The following COPS3 variants were observed in gnomAD, a reference collection of about 807,000 sequenced individuals.
COPS3 encodes the protein COP9 signalosome complex subunit 3.
COPS3 carries 10 observed loss-of-function variants against 58.2 expected under a neutral mutation model. The observed-to-expected ratio is 0.17, with a 90% CI of 0.11 to 0.29. The LOEUF is 0.29. COPS3 is among the 10% of genes least tolerant of loss of function. The pLI is 1.00. For missense variants in COPS3, 333 were observed against 510.1 expected, an observed-to-expected ratio of 0.65 and a Z score of 3.34; for synonymous variants, 187 against 181.7, an observed-to-expected ratio of 1.03 and a Z score of -0.24.
chr17:17,248,384 G>C (rs1567843677), intron 10 of COPS3, among the ~76,000 whole-genome samples: 1 of 152,172 alleles, frequency 6.6e-6, no homozygotes, highest in Non-Finnish European at 1.5e-5. Flanking sequence ...CGCAATCTCA[G>C]CTTACTGTAA....
chr17:17,265,030 G>C, intron 5 of COPS3, 49 bp from the exon 6 acceptor site: 1 of 1,506,724 alleles, frequency 6.6e-7, no homozygotes, highest in Non-Finnish European at 9.0e-7. Flanking sequence ...ACTTAGGCAG[G>C]TATTAGCAGA....
intron 2 of COPS3, among the ~76,000 whole-genome samples, chr17:17,273,501 T>C (rs2048395046): frequency 6.6e-6 from 1 of 152,038 alleles, no homozygotes; most frequent in Non-Finnish European, 1.5e-5. Context: ...TCCTAGCACT[T>C]TGGGAGGCTC....
At chr17:17,247,258 C>T (rs2047744195) in intron 11 of COPS3, 107 bp from the exon 12 acceptor site, 3 of 1,153,972 alleles carry the variant, frequency 2.6e-6, no homozygotes, top group Non-Finnish European at 3.9e-6. Flanking sequence ...ACAAAGCCCC[C>T]TGTGAACAAG....
In COPS3 at chr17:17,272,179, T is replaced by C. The variant is rs141261807; in HGVS notation, c.186-1171A>G. On this transcript the variant is annotated intron_variant, in intron 2 of 11. Transcript: ENST00000268717. ...GGCTCACGCCTATAATCCCAGCACT[T>C]TGGGAGGCCAAGGCGGGTGGATCAC... 2.5e-3 allele frequency among the ~76,000 whole-genome samples: 379 copies of C among 152,188 alleles called. 1 individual carries two copies. Among genetic ancestry groups the C allele is most frequent in the South Asian group, 5.0e-3 (24 of 4,824 alleles).
At chr17:17,261,720 T>G in intron 7 of COPS3, 1 of 464,414 alleles carries the variant, frequency 2.2e-6, no homozygotes. Context: ...AATCAACTGT[T>G]ATAGGAGCTT....
intron 2 of COPS3, among the ~76,000 whole-genome samples, chr17:17,273,843 C>T (rs1017614808): frequency 3.3e-5 from 5 of 152,110 alleles, no homozygotes; most frequent in African/African-American, 9.7e-5. Context: ...CAGAACAAGA[C>T]CTTGTCCCCC....
intron 8 of COPS3, among the ~76,000 whole-genome samples, chr17:17,255,206 A>G (rs537501259): frequency 6.6e-6 from 1 of 152,262 alleles, no homozygotes; most frequent in Non-Finnish European, 1.5e-5. Flanking sequence ...AGGCTGAGAC[A>G]GGAGAATCGC....
At chr17:17,268,823 A>AAC (rs1567858459) in intron 4 of COPS3, among the ~76,000 whole-genome samples, 6 of 147,758 alleles carry the variant, frequency 4.1e-5, no homozygotes, top group African/African-American at 1.5e-4. Flanking sequence ...CATCTCAAAA[A>AAC]AACAACAACA....
At chr17:17,254,686 C>T (rs978007025) in intron 9 of COPS3, among the ~76,000 whole-genome samples, 173 bp downstream of exon 9, 1 of 151,868 alleles carries the variant, frequency 6.6e-6, no homozygotes, top group Non-Finnish European at 1.5e-5. Flanking sequence ...TGGCGCATGC[C>T]TGTAGTCCCA....
intron 8 of COPS3, among the ~76,000 whole-genome samples, chr17:17,256,040 G>A (rs1206592783): frequency 1.3e-5 from 2 of 150,254 alleles, no homozygotes; most frequent in East Asian, 1.9e-4. Flanking sequence ...TTAGCCGGGC[G>A]TGGTGGTGGG....
chr17:17,266,817 A>AT (rs1163802147), intron 5 of COPS3, among the ~76,000 whole-genome samples: 1 of 151,666 alleles, frequency 6.6e-6, no homozygotes, highest in African/African-American at 2.4e-5. Flanking sequence ...AAAAAAAAAA[A>AT]GATAAATGAA....
chr17:17,255,001 T>A, intron 8 of COPS3, 56 bp from the exon 9 acceptor site: 4 of 1,276,020 alleles, frequency 3.1e-6, no homozygotes, highest in Non-Finnish European at 4.6e-6. Context: ...AAGGACATTT[T>A]ATTAAATGTG....
chr17:17,261,697 GGA>G, intron 7 of COPS3: 1 of 434,374 alleles, frequency 2.3e-6, no homozygotes. Flanking sequence ...CTGTCTCTAG[GGA>G]AAAAAAAAAA....
chr17:17,254,830 A>AAG (rs2047930173), intron 9 of COPS3, 29 bp downstream of exon 9: 2 of 1,359,598 alleles, frequency 1.5e-6, no homozygotes, highest in African/African-American at 1.5e-5. Flanking sequence ...AAAAAAAAAA[A>AAG]AAGAAAAAGA....
intron 2 of COPS3, among the ~76,000 whole-genome samples, chr17:17,271,847 T>TAG (rs1177981470): frequency 1.4e-5 from 2 of 142,072 alleles, no homozygotes; most frequent in African/African-American, 2.6e-5. Flanking sequence ...TATCTATATA[T>TAG]ATATATATAT....
intron 4 of COPS3, 150 bp from the exon 5 acceptor site, chr17:17,268,127 G>A (rs1489279111): frequency 5.9e-6 from 7 of 1,185,040 alleles, no homozygotes; most frequent in Non-Finnish European, 7.6e-6. Context: ...GGAAATTTCT[G>A]TCCCATTTAA....
At position 17,252,763 on chromosome 17, in the gene COPS3, T is replaced by A. The variant is rs1326556147; in HGVS notation, c.1023+2096A>T. On this transcript the variant is annotated intron_variant, in intron 9 of 11. Coordinates refer to ENST00000268717, the MANE Select transcript of COPS3 (RefSeq NM_003653.4). ...CACTCGCCACTGAAGAGGGAATTTC[T>A]TGGGGAAAGCGTCTATAGCTTATTC... 6.6e-5 allele frequency among the ~76,000 whole-genome samples: 10 copies of A among 152,320 alleles called. No homozygotes were observed. The East Asian group carries it at 1.7e-3, about 27-fold the overall frequency.
intron 1 of COPS3, among the ~76,000 whole-genome samples, chr17:17,280,161 C>T (rs529533375): frequency 2.0e-5 from 3 of 152,030 alleles, no homozygotes; most frequent in Non-Finnish European, 4.4e-5. Context: ...CCTGTAATCC[C>T]AGCACTTTGG....
At chr17:17,279,205 T>G (rs2048524062) in intron 1 of COPS3, among the ~76,000 whole-genome samples, 1 of 152,144 alleles carries the variant, frequency 6.6e-6, no homozygotes, top group Non-Finnish European at 1.5e-5. Flanking sequence ...CCAGTGAGTG[T>G]GAGGCACAGT....
Sources: gnomAD v4.1 joint callset for allele counts (sites outside exome capture counted in the v4.1 genomes callset) on GRCh38, gnomAD v4.1.1 for gene constraint, MANE v1.5 for transcripts, NCBI Gene and HGNC (gene_info 2026-07-23, HGNC 2026-07-21) for gene names.